Variants in SEC23A observed in about 807,000 individuals in gnomAD.
SEC23A encodes protein transport protein Sec23A.
In SEC23A, 56 loss-of-function variants were observed where a neutral mutation model predicts 103.7. That is an observed-to-expected ratio of 0.54 (90% CI 0.44 to 0.67). SEC23A has a LOEUF of 0.67. Among genes scored for constraint, SEC23A ranks in the 30% least tolerant of loss-of-function variants. The pLI is 0.00. For missense variants in SEC23A, 784 were observed against 936.4 expected (o/e 0.84, Z 2.12); for synonymous variants, 281 against 293.0 (o/e 0.96, Z 0.42).
At chr14:39,076,569 T>C (rs1887030305) in intron 7 of SEC23A, among the ~76,000 whole-genome samples, 1 of 151,862 alleles carries the variant, frequency 6.6e-6, no homozygotes, top group Admixed American at 6.6e-5. Context: ...CACCTGGCTC[T>C]TCTATTTTTT....
intron 11 of SEC23A, among the ~76,000 whole-genome samples, chr14:39,064,075 C>T (rs1022193012): frequency 2.0e-5 from 3 of 151,584 alleles, no homozygotes; most frequent in African/African-American, 4.8e-5. Flanking sequence ...TATCCAACTA[C>T]TTGATCTGTA....
Position 39,085,893 on chromosome 14 carries a change from C to T in SEC23A, c.697G>A (p.Val233Ile), listed in dbSNP as rs1887426915. 6.2e-7 allele frequency: 1 copy of T among 1,613,216 alleles called. No homozygotes were observed. Among genetic ancestry groups the T allele is most frequent in the East Asian group, 2.2e-5 (1 of 44,862 alleles). The change falls in exon 7 of 20, where the codon GTA becomes ATA. Residue 233 changes from valine (V) to isoleucine (I), a missense_variant. Coordinates refer to ENST00000307712, the MANE Select transcript of SEC23A (RefSeq NM_006364.4). Reference protein sequence around the residue: ...PPPSNRFLQPVQKIDMNLTDL... With the variant: ...PPPSNRFLQPIQKIDMNLTDL... ...GTGAGATTCATGTCTATTTTCTGTA[C>T]TGGTTGTAAGAATCTAAGAAACAGA...
intron 1 of SEC23A, among the ~76,000 whole-genome samples, chr14:39,098,666 C>T (rs1388451752): frequency 1.3e-5 from 2 of 151,288 alleles, no homozygotes; most frequent in African/African-American, 4.9e-5. Flanking sequence ...CCCAGCTACT[C>T]AGGAGGCTAA....
chr14:39,096,982 C>T (rs1339816947), intron 1 of SEC23A, among the ~76,000 whole-genome samples: 4 of 152,112 alleles, frequency 2.6e-5, no homozygotes, highest in African/African-American at 9.7e-5. Context: ...CTATTTGTGG[C>T]ACAATAAATA....
intron 13 of SEC23A, among the ~76,000 whole-genome samples, chr14:39,058,972 G>C (rs1265762875): frequency 6.6e-6 from 1 of 152,104 alleles, no homozygotes; most frequent in African/African-American, 2.4e-5. Flanking sequence ...TGGTGCAGGA[G>C]AGGAAATACA....
intron 10 of SEC23A, among the ~76,000 whole-genome samples, chr14:39,066,186 T>C (rs2139234792): frequency 1.3e-5 from 2 of 152,244 alleles, no homozygotes; most frequent in South Asian, 4.1e-4. Context: ...ATCAAGAGAA[T>C]GCTAAGTTTC....
At position 39,103,214 on chromosome 14, in the gene SEC23A, T is replaced by G. The variant is rs1049940628; in HGVS notation, c.-204A>C. On this transcript the variant is annotated 5_prime_UTR_variant, in exon 1 of 20. An upstream start codon of the reference 5' UTR is lost. Coordinates refer to ENST00000307712, the MANE Select transcript of SEC23A (RefSeq NM_006364.4). ...AGCGAAGACCTCCGCCCGGCCAACA[T>G]GGCTGGCGCCGCCTCTGCCACGTCA... 6.6e-6 allele frequency: 1 copy of G among 152,140 alleles called. No individual in the cohort carries two copies. The allele number at this position is 152,140 out of a possible 1,614,324, so 9.4% of individuals were successfully genotyped here.
intron 11 of SEC23A, among the ~76,000 whole-genome samples, chr14:39,064,188 T>A (rs1243075954): frequency 6.6e-6 from 1 of 152,086 alleles, no homozygotes; most frequent in Non-Finnish European, 1.5e-5. Flanking sequence ...GTCATAGATA[T>A]AGACAGACCT....
chr14:39,048,043 C>T (rs1885904719), intron 15 of SEC23A, among the ~76,000 whole-genome samples: 2 of 152,138 alleles, frequency 1.3e-5, no homozygotes, highest in South Asian at 4.1e-4. Context: ...CTTCTGGTAC[C>T]ACTATAATTA....
chr14:39,058,129 G>C (rs1039165980), intron 13 of SEC23A, among the ~76,000 whole-genome samples: 2 of 152,040 alleles, frequency 1.3e-5, no homozygotes, highest in Admixed American at 6.5e-5. Flanking sequence ...TTATCTGTTT[G>C]TTTGTTTGTT....
At chr14:39,033,451 A>G in intron 19 of SEC23A, 123 bp from the exon 20 acceptor site, 1 of 727,958 alleles carries the variant, frequency 1.4e-6, no homozygotes, top group Non-Finnish European at 2.4e-6. Context: ...AAATAAAAAG[A>G]ATCTAACTGG....
rs1163796255 is a variant in SEC23A at position 39,033,267 on chromosome 14, T to C, written c.2270A>G (p.Lys757Arg). 1.9e-6 allele frequency: 3 copies of C among 1,613,318 alleles called. No individual in the cohort carries two copies. The highest frequency in any genetic ancestry group is 2.2e-5 in the South Asian group (2 of 91,070). Residue 757 changes from lysine to arginine, a missense_variant, in exon 20 of 20, where the codon AAG becomes AGG. Around this residue, in one of 2 missense-constraint regions of SEC23A, gnomAD observed 101 missense variants for 162.2 expected, o/e 0.62. Coordinates refer to ENST00000307712, the MANE Select transcript of SEC23A (RefSeq NM_006364.4). ...AGCAGCACTGGACACAGCAAGTTTC[T>C]TCAAGTGATCCATAAACACTTGTAA... is the stretch of plus-strand genomic sequence containing the variant. ...VSLQVFMDHLKKLAVSSAA is the reference protein window; with the variant it reads ...VSLQVFMDHLRKLAVSSAA
At chr14:39,036,801 T>C (rs1885477270) in intron 19 of SEC23A, among the ~76,000 whole-genome samples, 1 of 152,180 alleles carries the variant, frequency 6.6e-6, no homozygotes, top group Admixed American at 6.5e-5. Context: ...CAGGTTAAAT[T>C]TGCAAAAGAA....
rs879051073 is a variant in SEC23A, at chr14:39,067,071, G to C, written c.1227+102C>G. On this transcript the variant is annotated intron_variant, in intron 10 of 19. Transcript: ENST00000307712. ...TTCAATATAAAATAACCACAATTTT[G>C]AAAGTAAATATTAAATTTGATTAAT... is the stretch of plus-strand genomic sequence containing the variant. The C allele has an allele frequency of 1.4e-5, 20 of 1,420,812 alleles. No individual in the cohort carries two copies. The South Asian group carries it at 2.3e-4, about 16-fold the overall frequency. The allele number at this position is 1,420,812 out of a possible 1,614,324, so 88.0% of individuals were successfully genotyped here.
chr14:39,083,448 T>G (rs1453820435), intron 7 of SEC23A, among the ~76,000 whole-genome samples: 2 of 152,232 alleles, frequency 1.3e-5, no homozygotes, highest in African/African-American at 4.8e-5. Context: ...CATATGTTGA[T>G]TGATGTCTCA....
At chr14:39,040,915 C>T in intron 17 of SEC23A, 28 bp from the exon 18 acceptor site, 1 of 1,575,278 alleles carries the variant, frequency 6.3e-7, no homozygotes, top group African/African-American at 1.4e-5. Flanking sequence ...AAAGAAATTA[C>T]TTTAAATTTC....
chr14:39,068,093 T>C (rs1886734340), intron 9 of SEC23A, among the ~76,000 whole-genome samples: 1 of 152,188 alleles, frequency 6.6e-6, no homozygotes, highest in African/African-American at 2.4e-5. Context: ...TTTTCACTTT[T>C]TGCACTTATT....
intron 2 of SEC23A, among the ~76,000 whole-genome samples, chr14:39,095,628 T>C (rs1887858870): frequency 6.6e-6 from 1 of 152,088 alleles, no homozygotes; most frequent in South Asian, 2.1e-4. Context: ...GCAAGATGGG[T>C]TGATACACAT....
At chr14:39,069,711 C>CAG (rs796751387) in intron 9 of SEC23A, among the ~76,000 whole-genome samples, 30 of 152,280 alleles carry the variant, frequency 2.0e-4, no homozygotes, top group African/African-American at 7.2e-4. Context: ...CCACCCACCT[C>CAG]AGCCTCCCAA....
Sources: allele counts gnomAD v4.1 joint callset (sites outside exome capture counted in the v4.1 genomes callset), GRCh38; gene constraint gnomAD v4.1.1; regional missense constraint gnomAD v4.1.1; transcripts MANE v1.5; gene names NCBI Gene and HGNC (gene_info 2026-07-23, HGNC 2026-07-21).